KCND2: variants seen among roughly 807,000 people sequenced by gnomAD.
KCND2 encodes potassium voltage-gated channel subfamily D member 2.
Under a neutral mutation model 54.4 loss-of-function variants are expected in KCND2, and 16 were observed. That is an observed-to-expected ratio of 0.29 (90% CI 0.20 to 0.45). KCND2 has a LOEUF of 0.45. Ranked by LOEUF, KCND2 falls within the 20% of genes least tolerant of loss-of-function variation. The pLI is 1.00. For missense variants in KCND2, 486 were observed against 824.2 expected (o/e 0.59, Z 5.02); for synonymous variants, 317 against 310.7 (o/e 1.02, Z -0.21).
At chr7:120,356,985 C>T (rs1800515674) in intron 1 of KCND2, among the ~76,000 whole-genome samples, 2 of 152,096 alleles carry the variant, frequency 1.3e-5, no homozygotes, top group South Asian at 4.1e-4. Context: ...CTGTGCTTTT[C>T]AGTACTGCTT....
At chr7:120,305,281 CAGACAT>C (rs979145432) in intron 1 of KCND2, among the ~76,000 whole-genome samples, 1 of 152,046 alleles carries the variant, frequency 6.6e-6, no homozygotes, top group African/African-American at 2.4e-5. Flanking sequence ...CAAGTTTAAC[CAGACAT>C]AAATTCATAT....
chr7:120,406,415 A>C (rs1032283096), intron 1 of KCND2, among the ~76,000 whole-genome samples: 6 of 151,980 alleles, frequency 3.9e-5, no homozygotes, highest in African/African-American at 1.4e-4. Flanking sequence ...GTTTAGAGGG[A>C]ACAACAAAAT....
At chr7:120,510,392 T>C (rs578232013) in intron 1 of KCND2, among the ~76,000 whole-genome samples, 2 of 152,234 alleles carry the variant, frequency 1.3e-5, no homozygotes, top group East Asian at 3.9e-4. Context: ...CCCTGTAGTC[T>C]GACTTCAAAT....
intron 1 of KCND2, among the ~76,000 whole-genome samples, chr7:120,466,037 G>T (rs911255211): frequency 1.3e-5 from 2 of 152,130 alleles, no homozygotes; most frequent in Non-Finnish European, 2.9e-5. Flanking sequence ...GCTGTGTGGG[G>T]CTGTCTAATG....
intron 1 of KCND2, among the ~76,000 whole-genome samples, chr7:120,619,943 G>A (rs1562889795): frequency 6.6e-6 from 1 of 152,114 alleles, no homozygotes; most frequent in Non-Finnish European, 1.5e-5. Context: ...ATGTGGAAAA[G>A]AAGAGGCTGA....
chr7:120,368,469 C>G (rs963712802), intron 1 of KCND2, among the ~76,000 whole-genome samples: 1 of 152,008 alleles, frequency 6.6e-6, no homozygotes, highest in Non-Finnish European at 1.5e-5. Context: ...TAAATTGCTT[C>G]TTAGTAAACA....
At chr7:120,594,743 C>T (rs1211451944) in intron 1 of KCND2, among the ~76,000 whole-genome samples, 3 of 152,126 alleles carry the variant, frequency 2.0e-5, no homozygotes, top group Non-Finnish European at 2.9e-5. Flanking sequence ...GACTGGAAGC[C>T]GGGTACTGTG....
intron 1 of KCND2, among the ~76,000 whole-genome samples, chr7:120,613,262 G>A (rs1376158648): frequency 2.0e-5 from 3 of 152,100 alleles, no homozygotes; most frequent in African/African-American, 4.8e-5. Context: ...AGGCATAGTG[G>A]TTCATGCCTG....
chr7:120,579,588 G>A (rs1792486571), intron 1 of KCND2, among the ~76,000 whole-genome samples: 2 of 148,020 alleles, frequency 1.4e-5, no homozygotes, highest in South Asian at 2.1e-4. Context: ...GAGACGGGGC[G>A]AGACTCTGTC....
chr7:120,515,337 A>G (rs142141100), intron 1 of KCND2, among the ~76,000 whole-genome samples: 63 of 152,230 alleles, frequency 4.1e-4, no homozygotes, highest in African/African-American at 1.4e-3. Flanking sequence ...CTGTCTCATG[A>G]GTTTTTATTG....
intron 1 of KCND2, among the ~76,000 whole-genome samples, chr7:120,327,297 A>G (rs1433300457): frequency 3.9e-5 from 6 of 152,126 alleles, no homozygotes. Flanking sequence ...TTTCAGATGT[A>G]GATGTGCCAA....
chr7:120,285,993 A>T (rs1799336410), intron 1 of KCND2, among the ~76,000 whole-genome samples: 2 of 151,906 alleles, frequency 1.3e-5, no homozygotes. Flanking sequence ...ATAGTTATCT[A>T]AATGAAAGGT....
intron 1 of KCND2, among the ~76,000 whole-genome samples, chr7:120,678,832 C>T (rs1378650950): frequency 1.4e-5 from 2 of 147,400 alleles, no homozygotes; most frequent in South Asian, 2.1e-4. Flanking sequence ...ATATAAAGTC[C>T]AGTTTCAGCT....
intron 1 of KCND2, among the ~76,000 whole-genome samples, chr7:120,536,060 T>C (rs1268505624): frequency 6.6e-6 from 1 of 152,108 alleles, no homozygotes; most frequent in East Asian, 1.9e-4. Context: ...AATAATAGGC[T>C]TACCTCAGAG....
intron 1 of KCND2, among the ~76,000 whole-genome samples, chr7:120,309,662 G>A (rs184310379): frequency 1.4e-3 from 210 of 151,488 alleles, no homozygotes; most frequent in Non-Finnish European, 2.0e-3. Context: ...ACCTTATAAG[G>A]TGGTGTTATT....
chr7:120,317,277 A>C (rs1364877167), intron 1 of KCND2, among the ~76,000 whole-genome samples: 3 of 152,188 alleles, frequency 2.0e-5, no homozygotes, highest in African/African-American at 7.2e-5. Flanking sequence ...TCTGAAAAAA[A>C]CATCAAAATG....
chr7:120,320,990 G>A (rs769588391), intron 1 of KCND2, among the ~76,000 whole-genome samples: 1 of 152,082 alleles, frequency 6.6e-6, no homozygotes, highest in South Asian at 2.1e-4. Flanking sequence ...TCCAAGTTTC[G>A]AATCTAGGTC....
At chr7:120,581,338 TC>T (rs1484895394) in intron 1 of KCND2, among the ~76,000 whole-genome samples, 3 of 152,212 alleles carry the variant, frequency 2.0e-5, no homozygotes, top group African/African-American at 7.2e-5. Flanking sequence ...TGGTTTTATA[TC>T]ATAGGACGTT....
intron 1 of KCND2, among the ~76,000 whole-genome samples, chr7:120,432,668 G>T (rs1801811110): frequency 6.6e-6 from 1 of 151,892 alleles, no homozygotes; most frequent in African/African-American, 2.4e-5. Flanking sequence ...TTTTTGAGAT[G>T]GAGTCTCACT....
Sources: gnomAD v4.1 joint callset for allele counts (sites outside exome capture counted in the v4.1 genomes callset) on GRCh38, gnomAD v4.1.1 for gene constraint, MANE v1.5 for transcripts, NCBI Gene and HGNC (gene_info 2026-07-23, HGNC 2026-07-21) for gene names.